Variants in ZSCAN5A observed in about 807,000 individuals in gnomAD.
ZSCAN5A encodes zinc finger and SCAN domain containing 5A.
ZSCAN5A carries 12 observed loss-of-function variants against 23.7 expected under a neutral mutation model. The ratio of observed to expected loss-of-function variants is 0.51; its 90% CI spans 0.32 to 0.82. The LOEUF (loss-of-function observed/expected upper bound fraction) is 0.82. Ranked by LOEUF, ZSCAN5A falls within the 40% of genes least tolerant of loss-of-function variation. ZSCAN5A has a pLI of 0.03. For synonymous variants in ZSCAN5A, 257 were observed against 239.9 expected (o/e 1.07, Z -0.66); for missense variants, 597 against 617.9 (o/e 0.97, Z 0.36).
intron 2 of ZSCAN5A, chr19:56,321,707 T>C: frequency 3.5e-6 from 5 of 1,408,652 alleles, no homozygotes; most frequent in Non-Finnish European, 5.0e-6. Flanking sequence ...TGGGAAATGT[T>C]CAAGGGCTCT....
In ZSCAN5A at chr19:56,321,696, T is replaced by C. The variant is rs1456304236; in HGVS notation, c.-357-5428A>G. On this transcript the variant is annotated intron_variant, in intron 2 of 6. Transcript: ENST00000587340. ...CCTACCAGTTTGTCCTTCTGGAGCA[T>C]TGGGAAATGTTCAAGGGCTCTTGAT... 15 of 1,391,194 alleles carry C rather than the reference T, an allele frequency of 1.1e-5. No homozygotes were observed. The East Asian group carries it at 2.1e-4, about 19-fold the overall frequency. 86.2% of individuals were successfully genotyped at this position (1,391,194 alleles called of 1,614,324 possible).
At chr19:56,309,033 A>G (rs2040871889) in intron 2 of ZSCAN5A, among the ~76,000 whole-genome samples, 1 of 152,234 alleles carries the variant, frequency 6.6e-6, no homozygotes. Context: ...TAGAGAATAC[A>G]CTGATGGCTG....
At chr19:56,293,714 G>T (rs1453551526) in intron 2 of ZSCAN5A, among the ~76,000 whole-genome samples, 2 of 152,184 alleles carry the variant, frequency 1.3e-5, no homozygotes, top group Non-Finnish European at 2.9e-5. Context: ...TCGCCCCTCA[G>T]GGGACACCTG....
At chr19:56,253,855 G>A (rs865966194) in intron 2 of ZSCAN5A, among the ~76,000 whole-genome samples, 7 of 152,110 alleles carry the variant, frequency 4.6e-5, no homozygotes, top group Admixed American at 2.6e-4. Flanking sequence ...AGCATCATAC[G>A]CACCCAGCTT....
chr19:56,304,189 G>A (rs777263521), intron 2 of ZSCAN5A, among the ~76,000 whole-genome samples: 21 of 152,210 alleles, frequency 1.4e-4, no homozygotes, highest in Non-Finnish European at 2.2e-4. Flanking sequence ...ACCAGCCAGC[G>A]CAGGGGACCT....
chr19:56,276,008 T>TG (rs2038219794), intron 2 of ZSCAN5A, among the ~76,000 whole-genome samples: 1 of 152,228 alleles, frequency 6.6e-6, no homozygotes, highest in South Asian at 2.1e-4. Context: ...TCTTGGTTAT[T>TG]GCACTGATCT....
chr19:56,302,354 TTTC>T (rs1240924017), intron 2 of ZSCAN5A, among the ~76,000 whole-genome samples: 1 of 146,722 alleles, frequency 6.8e-6, no homozygotes, highest in East Asian at 2.1e-4. Flanking sequence ...CTCTTCCTTT[TTTC>T]TTCCCTCCCT....
At chr19:56,296,271 CT>C (rs1208995937) in intron 2 of ZSCAN5A, 1 of 152,310 alleles carries the variant, frequency 6.6e-6, no homozygotes, top group Non-Finnish European at 1.5e-5. Context: ...GCTGGACCTG[CT>C]GGTCTGGAAG....
upstream of ZSCAN5A, among the ~76,000 whole-genome samples, chr19:56,318,889 T>A (rs1043209607): frequency 7.2e-5 from 11 of 152,160 alleles, no homozygotes; most frequent in Admixed American, 7.2e-4. Flanking sequence ...CAGACCACCG[T>A]GGCTAAACAA....
chr19:56,311,432 T>A (rs768353275), intron 2 of ZSCAN5A, among the ~76,000 whole-genome samples: 8 of 152,200 alleles, frequency 5.3e-5, no homozygotes, highest in Non-Finnish European at 8.8e-5. Context: ...TGAAAAGGTT[T>A]AGAATAAATG....
At chr19:56,307,642 G>C (rs1409219984) in intron 2 of ZSCAN5A, among the ~76,000 whole-genome samples, 1 of 152,152 alleles carries the variant, frequency 6.6e-6, no homozygotes, top group African/African-American at 2.4e-5. Context: ...AGCCCACAGA[G>C]ATAAGTCACT....
chr19:56,230,527 A>AGTCTTTC (rs2034367508), intron 2 of ZSCAN5A, among the ~76,000 whole-genome samples: 2 of 148,854 alleles, frequency 1.3e-5, no homozygotes, highest in East Asian at 2.0e-4. Flanking sequence ...TAGTTATTTA[A>AGTCTTTC]CTCTTGGGCT....
intron 2 of ZSCAN5A, among the ~76,000 whole-genome samples, chr19:56,276,471 A>G (rs1244126034): frequency 6.6e-6 from 1 of 151,104 alleles, no homozygotes. Flanking sequence ...GGGCCACTGA[A>G]CACGCGAAAA....
chr19:56,342,670 G>A (rs1360511473), intron 2 of ZSCAN5A: 2 of 562,116 alleles, frequency 3.6e-6, no homozygotes, highest in Non-Finnish European at 6.7e-6. Context: ...GCCAGTAGGA[G>A]TCCCCACGGG....
intron 1 of ZSCAN5A, chr19:56,365,879 T>C (rs1409552843): frequency 6.6e-6 from 1 of 152,218 alleles, no homozygotes; most frequent in African/African-American, 2.4e-5. Context: ...CTTTACACTT[T>C]CGTGAGTTTT....
chr19:56,344,623 G>A (rs1280554359), intron 2 of ZSCAN5A, among the ~76,000 whole-genome samples: 3 of 151,522 alleles, frequency 2.0e-5, no homozygotes, highest in Admixed American at 2.0e-4. Flanking sequence ...AAAAGATACG[G>A]CCGGGCGCAG....
chr19:56,244,454 G>C, intron 2 of ZSCAN5A: 1 of 1,565,640 alleles, frequency 6.4e-7, no homozygotes. Flanking sequence ...GACTGGTGCA[G>C]GGAAGGGGAG....
chr19:56,275,214 G>A (rs1355872320), intron 2 of ZSCAN5A, among the ~76,000 whole-genome samples: 2 of 152,082 alleles, frequency 1.3e-5, no homozygotes, highest in African/African-American at 4.8e-5. Context: ...GAGGCTATGC[G>A]AATACCCTGT....
At chr19:56,240,655 G>A (rs994647451) in intron 2 of ZSCAN5A, among the ~76,000 whole-genome samples, 2 of 152,050 alleles carry the variant, frequency 1.3e-5, no homozygotes, top group East Asian at 1.9e-4. Context: ...TGAAAGCATC[G>A]GGTCTCCTTT....
Sources: gnomAD v4.1 joint callset for allele counts (sites outside exome capture counted in the v4.1 genomes callset) on GRCh38, gnomAD v4.1.1 for gene constraint, MANE v1.5 for transcripts, NCBI Gene and HGNC (gene_info 2026-07-23, HGNC 2026-07-21) for gene names.